MBD5: variants seen among roughly 807,000 people sequenced by gnomAD.
MBD5 encodes the protein methyl-CpG binding domain protein 5.
Under a neutral mutation model 117.3 loss-of-function variants are expected in MBD5, and 13 were observed. The ratio of observed to expected loss-of-function variants is 0.11; its 90% CI spans 0.07 to 0.18. The LOEUF is 0.18. MBD5 is among the 10% of genes least tolerant of loss of function. The pLI, the probability that MBD5 is intolerant of heterozygous loss-of-function variation, is 1.00. For synonymous variants in MBD5, 727 were observed against 766.4 expected, an observed-to-expected ratio of 0.95 and a Z score of 0.85; for missense variants, 1,879 against 2,093.8, an observed-to-expected ratio of 0.90 and a Z score of 2.00.
At chr2:148,465,967 A>G (rs534708326) in intron 7 of MBD5, among the ~76,000 whole-genome samples, 1 of 152,244 alleles carries the variant, frequency 6.6e-6, no homozygotes, top group African/African-American at 2.4e-5. Context: ...TGTCATACCT[A>G]TACATACAAG....
At chr2:148,025,946 T>C (rs749628165) in intron 1 of MBD5, 9 of 152,204 alleles carry the variant, frequency 5.9e-5, no homozygotes, top group Non-Finnish European at 1.2e-4. Context: ...AAGAATCTTA[T>C]CTCAGTTCCT....
intron 3 of MBD5, among the ~76,000 whole-genome samples, chr2:148,255,503 G>T (rs1160803808): frequency 2.0e-5 from 3 of 152,200 alleles, no homozygotes; most frequent in African/African-American, 7.2e-5. Context: ...TGGCAATGGG[G>T]TGCTTGGAGG....
chr2:148,392,987 G>A (rs1704608877), intron 4 of MBD5, among the ~76,000 whole-genome samples: 1 of 151,996 alleles, frequency 6.6e-6, no homozygotes, highest in Non-Finnish European at 1.5e-5. Flanking sequence ...CTGCCCTTCA[G>A]CCTCTTAAAT....
intron 2 of MBD5, among the ~76,000 whole-genome samples, chr2:148,194,934 C>A (rs896946892): frequency 2.6e-5 from 4 of 151,980 alleles, no homozygotes; most frequent in South Asian, 2.1e-4. Flanking sequence ...GATAAAAACC[C>A]AATAAACAAC....
intron 1 of MBD5, among the ~76,000 whole-genome samples, chr2:148,107,315 C>T (rs1312527422): frequency 6.6e-6 from 1 of 151,856 alleles, no homozygotes; most frequent in South Asian, 2.1e-4. Context: ...TTTACTTTTC[C>T]TTGATTTTCT....
chr2:148,374,886 C>T (rs530408120), intron 4 of MBD5, among the ~76,000 whole-genome samples: 1 of 152,222 alleles, frequency 6.6e-6, no homozygotes, highest in African/African-American at 2.4e-5. Flanking sequence ...TTTTTTACTC[C>T]TATGTATGCT....
At chr2:148,105,187 C>T (rs1162924389) in intron 1 of MBD5, among the ~76,000 whole-genome samples, 1 of 149,598 alleles carries the variant, frequency 6.7e-6, no homozygotes, top group Non-Finnish European at 1.5e-5. Flanking sequence ...TCTGCAGCAT[C>T]TATAGTTATA....
At chr2:148,253,118 T>C (rs1700504484) in intron 3 of MBD5, among the ~76,000 whole-genome samples, 1 of 152,114 alleles carries the variant, frequency 6.6e-6, no homozygotes, top group Non-Finnish European at 1.5e-5. Context: ...AAGATTCACC[T>C]AATGGCCTGG....
intron 3 of MBD5, chr2:148,296,236 C>A: frequency 5.3e-6 from 1 of 189,040 alleles, no homozygotes; most frequent in Non-Finnish European, 1.2e-5. Flanking sequence ...CCTGCCTTCT[C>A]TCTTCTTATA....
At chr2:148,262,422 TAC>T (rs1700753099) in intron 3 of MBD5, among the ~76,000 whole-genome samples, 1 of 152,178 alleles carries the variant, frequency 6.6e-6, no homozygotes, top group African/African-American at 2.4e-5. Flanking sequence ...AGAAAGTCTA[TAC>T]ATTCTATTTA....
chr2:148,257,969 A>C (rs1259362776), intron 3 of MBD5, among the ~76,000 whole-genome samples: 1 of 152,146 alleles, frequency 6.6e-6, no homozygotes, highest in African/African-American at 2.4e-5. Flanking sequence ...ACCATCATCC[A>C]CCAGTTTCTA....
At chr2:148,294,501 G>GTTTTTT (rs58961481) in intron 3 of MBD5, among the ~76,000 whole-genome samples, 1 of 113,260 alleles carries the variant, frequency 8.8e-6, no homozygotes, top group African/African-American at 3.7e-5. Context: ...TGGGATTACA[G>GTTTTTT]TTTTTTTTTT....
At chr2:148,055,427 T>TG (rs1017797846) in intron 1 of MBD5, 3 of 151,094 alleles carry the variant, frequency 2.0e-5, no homozygotes, top group Non-Finnish European at 4.4e-5. Context: ...TCTTTTTTTT[T>TG]TTTTTCTTTT....
intron 4 of MBD5, among the ~76,000 whole-genome samples, chr2:148,456,455 A>T (rs1447759619): frequency 2.6e-5 from 4 of 152,122 alleles, no homozygotes; most frequent in African/African-American, 9.7e-5. Flanking sequence ...GGGGACACAG[A>T]CATTCAGACC....
chr2:148,023,087 C>T (rs1438445806), intron 1 of MBD5, among the ~76,000 whole-genome samples: 104 of 142,072 alleles, frequency 7.3e-4, no homozygotes, highest in African/African-American at 2.6e-3. Flanking sequence ...CCCTCACACC[C>T]TTTTTTTTTT....
At chr2:148,110,699 A>C (rs1696486102) in intron 1 of MBD5, among the ~76,000 whole-genome samples, 1 of 151,458 alleles carries the variant, frequency 6.6e-6, no homozygotes, top group South Asian at 2.1e-4. Flanking sequence ...TTGTTGCTGC[A>C]GGATCGTTTT....
At chr2:148,467,661 A>C (rs1183453488) in intron 7 of MBD5, among the ~76,000 whole-genome samples, 1 of 152,152 alleles carries the variant, frequency 6.6e-6, no homozygotes, top group Non-Finnish European at 1.5e-5. Flanking sequence ...GAAACTAAGC[A>C]TGGGTTAGTT....
chr2:148,162,241 G>A (rs1698021394), intron 1 of MBD5, among the ~76,000 whole-genome samples: 1 of 152,214 alleles, frequency 6.6e-6, no homozygotes, highest in Admixed American at 6.5e-5. Context: ...GTTGGCGCCT[G>A]TGATTGCTAT....
chr2:148,385,437 G>A (rs1466317193), intron 4 of MBD5, among the ~76,000 whole-genome samples: 11 of 152,140 alleles, frequency 7.2e-5, no homozygotes, highest in South Asian at 4.2e-4. Context: ...TTAGAATGGC[G>A]ATCATTAAAA....
Sources: allele counts gnomAD v4.1 joint callset (sites outside exome capture counted in the v4.1 genomes callset), GRCh38; gene constraint gnomAD v4.1.1; transcripts MANE v1.5; gene names NCBI Gene and HGNC (gene_info 2026-07-23, HGNC 2026-07-21).